The following MATN4 variants were observed in gnomAD, a reference collection of about 807,000 sequenced individuals.
The protein encoded by MATN4 is matrilin 4.
Under a neutral mutation model 54.6 loss-of-function variants are expected in MATN4, and 40 were observed. That is an observed-to-expected ratio of 0.73 (90% CI 0.57 to 0.95). MATN4 has a LOEUF of 0.95. Ranked by LOEUF, MATN4 falls within the 40% of genes least tolerant of loss-of-function variation. The pLI is 0.00. For synonymous variants in MATN4, 351 were observed against 345.3 expected, an observed-to-expected ratio of 1.02 and a Z score of -0.18; for missense variants, 810 against 819.1, an observed-to-expected ratio of 0.99 and a Z score of 0.13.
chr20:45,298,269 G>A lies in MATN4; in HGVS notation c.1327C>T (p.Arg443Trp), dbSNP rs202220426. Reference protein sequence around the residue: ...EHSFSEAQGARPRALNVPRVG... With the variant: ...EHSFSEAQGAWPRALNVPRVG... ...CGAGGCACGTTAAGGGCACGGGGCC[G>A]TGCACCCTGCGCCTCGGAGAAGCTG... The change falls in exon 7 of 10, where the codon CGG (arginine) becomes TGG (tryptophan). Residue 443 changes from arginine (R) to tryptophan (W), a missense_variant. Physicochemically the swap from Arg to Trp is moderately radical, Grantham distance 101. Transcript: ENST00000372756. The surrounding 1 kb of genome is among the most constrained non-coding windows in gnomAD (Gnocchi z 4.6). 4 of 1,613,214 alleles carry A rather than the reference G, an allele frequency of 2.5e-6. No individual in the cohort carries two copies. Among genetic ancestry groups the A allele is most frequent in the South Asian group, 1.1e-5 (1 of 91,076 alleles).
In MATN4 at chr20:45,304,387, G is replaced by C; in HGVS notation, c.484C>G (p.Arg162Gly). The C allele has an allele frequency of 6.7e-7, 1 of 1,501,040 alleles. No homozygotes were observed. Among genetic ancestry groups the C allele is most frequent in the Non-Finnish European group, 8.9e-7 (1 of 1,125,430 alleles). 93.0% of individuals were successfully genotyped at this position (1,501,040 alleles called of 1,614,324 possible). A position where few individuals can be genotyped will look rare whatever the true frequency, so the allele number is the denominator to read the frequency against. ...GCGTAAATTTCAATGCCGCGGGCGC[G>C]CGCCTGTGCCGCCACCTCGGCCACG... is the stretch of plus-strand genomic sequence containing the variant. ...DRVAEVAAQA[R>G]ARGIEIYAVG... is the part of the protein sequence containing the mutation. Residue 162 changes from arginine to glycine, a missense_variant, in exon 3 of 10, where the codon CGC (arginine) becomes GGC (glycine). Transcript: ENST00000372756.
rs1600696648 is a variant in MATN4 at position 45,301,026 on chromosome 20, G to A, written c.890-17C>T. The A allele has an allele frequency of 6.2e-7, 1 of 1,614,022 alleles. No individual in the cohort carries two copies. The highest frequency in any genetic ancestry group is 8.5e-7 in the Non-Finnish European group (1 of 1,179,966). On this transcript the variant is annotated splice_polypyrimidine_tract_variant and intron_variant, in intron 5 of 9. Coordinates refer to ENST00000372756, the MANE Select transcript of MATN4 (RefSeq NM_001393530.1). The stretch of plus-strand genomic sequence containing the variant: ...GGTCCCGGACTGAAAGGAGAGACAG[G>A]TCAGGATGAGTCAGGATGGACCCCA...
chr20:45,308,318 G>A (rs11907224), upstream of MATN4: 131 of 1,097,650 alleles, frequency 1.2e-4, 2 homozygotes, highest in African/African-American at 1.8e-3. Context: ...CAGAGGCAAC[G>A]GCCGCATTTA....
chr20:45,308,453 C>A (rs113772246), upstream of MATN4: 19 of 577,076 alleles, frequency 3.3e-5, no homozygotes, highest in African/African-American at 3.6e-4. Context: ...ACGCTTGGAG[C>A]TGCAGACAGG....
chr20:45,299,297 G>A (rs996513383), intron 6 of MATN4, among the ~76,000 whole-genome samples: 1 of 152,192 alleles, frequency 6.6e-6, no homozygotes, highest in East Asian at 1.9e-4. Context: ...GGACAGAGCA[G>A]AGCAAGTCAG....
At chr20:45,307,490 C>A (rs920107143) in intron 1 of MATN4, among the ~76,000 whole-genome samples, 2 of 152,174 alleles carry the variant, frequency 1.3e-5, no homozygotes, top group Admixed American at 1.3e-4. Context: ...CAAGCTTGGG[C>A]CACAGGCAAA....
intron 1 of MATN4, among the ~76,000 whole-genome samples, chr20:45,307,568 C>T (rs1050377148): frequency 6.6e-6 from 1 of 152,214 alleles, no homozygotes; most frequent in Non-Finnish European, 1.5e-5. Context: ...TACTTTCCTA[C>T]CCGGAGATGC....
chr20:45,295,448 T>G (rs1985750493), intron 8 of MATN4, among the ~76,000 whole-genome samples: 1 of 152,194 alleles, frequency 6.6e-6, no homozygotes, highest in Non-Finnish European at 1.5e-5. Context: ...AGTGCAGTGG[T>G]GCAATCTTGG....
In MATN4 at chr20:45,308,256, C is replaced by T. The variant is rs367649803; in HGVS notation, c.-116G>A. 1.4e-4 allele frequency: 230 copies of T among 1,599,474 alleles called. 1 individual carries two copies. The Middle Eastern group carries it at 2.2e-3, about 15-fold the overall frequency. ...CCTCCCGGGCACTTGGACCAGGTAA[C>T]GGCGGCGTGGCAGCGTGCCCTAGGT... is the stretch of plus-strand genomic sequence containing the variant. On this transcript the variant is annotated 5_prime_UTR_variant, in exon 1 of 10. Coordinates refer to ENST00000372756, the MANE Select transcript of MATN4 (RefSeq NM_001393530.1).
intron 2 of MATN4, 82 bp from the exon 3 acceptor site, chr20:45,304,879 G>T: frequency 1.2e-6 from 1 of 842,530 alleles, no homozygotes; most frequent in Non-Finnish European, 1.8e-6. Flanking sequence ...CAGGGGAAAT[G>T]CCGCTATGCC....
Position 45,293,621 on chromosome 20 carries a change from C to T in MATN4, c.*146G>A. The T allele has an allele frequency of 1.4e-6, 1 of 710,580 alleles. No homozygotes were observed. The highest frequency in any genetic ancestry group is 2.2e-6 in the Non-Finnish European group (1 of 453,906). The allele number at this position is 710,580 out of a possible 1,614,324, so 44.0% of individuals were successfully genotyped here. ...TGGTCCGGGCGAGGCCAACTCAGCT[C>T]AATGCCGGAAGCCCGCCAGCGCCTC... is the stretch of plus-strand genomic sequence containing the variant. On this transcript the variant is annotated 3_prime_UTR_variant, in exon 10 of 10. Transcript: ENST00000372756.
chr20:45,304,903 C>T (rs1986488697), intron 2 of MATN4, 106 bp from the exon 3 acceptor site: 1 of 673,620 alleles, frequency 1.5e-6, no homozygotes. Flanking sequence ...ATAACAGCGC[C>T]CAGCACAGCA....
intron 8 of MATN4, 93 bp downstream of exon 8, chr20:45,297,825 T>A: frequency 6.7e-7 from 1 of 1,503,684 alleles, no homozygotes; most frequent in East Asian, 2.3e-5. Context: ...CCTCTGGCTA[T>A]AACTACAAAG....
chr20:45,294,527 T>C (rs992669363), intron 8 of MATN4, among the ~76,000 whole-genome samples: 1 of 152,278 alleles, frequency 6.6e-6, no homozygotes, highest in Non-Finnish European at 1.5e-5. Flanking sequence ...TCCAAAGCAG[T>C]AGCTACAAGC....
Position 45,298,714 on chromosome 20 carries a change from G to T in MATN4, c.1013-131C>A. On this transcript the variant is annotated intron_variant, in intron 6 of 9. Coordinates refer to ENST00000372756, the MANE Select transcript of MATN4 (RefSeq NM_001393530.1). This position sits in a 1 kb window ranked among gnomAD's most constrained non-coding sequence, Gnocchi z 4.6. ...CATTTCCTGAGTCCTTCCTGTGCCA[G>T]GCAGTGTGCTAAGTAATAATAATTA... The T allele has an allele frequency of 1.5e-6, 1 of 655,324 alleles. No individual in the cohort carries two copies. The highest frequency in any genetic ancestry group is 2.5e-6 in the Non-Finnish European group (1 of 398,142). 40.6% of individuals were successfully genotyped at this position (655,324 alleles called of 1,614,324 possible). A position where few individuals can be genotyped will look rare whatever the true frequency, so the allele number is the denominator to read the frequency against.
At chr20:45,306,911 C>G in intron 1 of MATN4, 24 of 1,256,064 alleles carry the variant, frequency 1.9e-5, no homozygotes, top group Non-Finnish European at 2.4e-5. Context: ...GCTGGGGCCC[C>G]GTGGAGCCAC....
intron 6 of MATN4, among the ~76,000 whole-genome samples, chr20:45,299,774 A>C (rs1252952166): frequency 1.3e-5 from 2 of 149,972 alleles, no homozygotes; most frequent in African/African-American, 4.9e-5. Context: ...GCTACTCCAG[A>C]GGCTGTAACA....
chr20:45,307,112 C>A (rs1986776354), intron 1 of MATN4, among the ~76,000 whole-genome samples: 1 of 151,734 alleles, frequency 6.6e-6, no homozygotes, highest in Non-Finnish European at 1.5e-5. Context: ...CCCCTTCTCT[C>A]TCTTGAGGCC....
At chr20:45,304,160 T>G in intron 3 of MATN4, 68 bp downstream of exon 3, 2 of 1,323,052 alleles carry the variant, frequency 1.5e-6, no homozygotes, top group Non-Finnish European at 2.0e-6. Flanking sequence ...GGATTTACTG[T>G]GGTGGGAAAG....
Sources: gnomAD v4.1 joint callset for allele counts (sites outside exome capture counted in the v4.1 genomes callset) on GRCh38, gnomAD v4.1.1 for gene constraint, Gnocchi (gnomAD v3.1) non-coding constraint, MANE v1.5 for transcripts, NCBI Gene and HGNC (gene_info 2026-07-23, HGNC 2026-07-21) for gene names.